RAD23B: variants seen among roughly 807,000 people sequenced by gnomAD.
RAD23B encodes the protein lysine-specific demethylase RAD23B.
A neutral mutation model predicts 49.1 loss-of-function variants in RAD23B; 5 were observed. The ratio of observed to expected loss-of-function variants is 0.10; its 90% CI spans 0.05 to 0.21. The LOEUF (loss-of-function observed/expected upper bound fraction) is 0.21. Ranked by LOEUF, RAD23B falls within the 10% of genes least tolerant of loss-of-function variation. The pLI is 1.00. For synonymous variants in RAD23B, 184 were observed against 165.4 expected, an observed-to-expected ratio of 1.11 and a Z score of -0.86; for missense variants, 356 against 486.7, an observed-to-expected ratio of 0.73 and a Z score of 2.53.
intron 9 of RAD23B, chr9:107,325,230 C>T (rs1827182723): frequency 3.2e-6 from 1 of 309,700 alleles, no homozygotes; most frequent in Non-Finnish European, 6.0e-6. Flanking sequence ...AGGAGAATTG[C>T]TTGGACCTGG....
At chr9:107,302,415 T>C (rs937186876) in intron 3 of RAD23B, among the ~76,000 whole-genome samples, 4 of 152,174 alleles carry the variant, frequency 2.6e-5, no homozygotes, top group African/African-American at 4.8e-5. Flanking sequence ...TATAATTCTT[T>C]TAAAATGTCT....
At chr9:107,292,861 T>C (rs961342014) in intron 1 of RAD23B, among the ~76,000 whole-genome samples, 1 of 152,158 alleles carries the variant, frequency 6.6e-6, no homozygotes, top group Non-Finnish European at 1.5e-5. Flanking sequence ...AAGAGGATAA[T>C]AGTATCTACC....
intron 1 of RAD23B, chr9:107,283,943 C>G: frequency 9.2e-7 from 1 of 1,082,074 alleles, no homozygotes; most frequent in Non-Finnish European, 1.1e-6. Context: ...TGGCGTGGAG[C>G]GCACGCCCGC....
At chr9:107,311,451 TG>T (rs1826885090) in intron 4 of RAD23B, among the ~76,000 whole-genome samples, 2 of 152,166 alleles carry the variant, frequency 1.3e-5, no homozygotes, top group Admixed American at 6.5e-5. Flanking sequence ...TTTAAAGTGA[TG>T]GAGTCTCAGA....
At chr9:107,293,879 G>A (rs996871807) in intron 1 of RAD23B, among the ~76,000 whole-genome samples, 1 of 152,284 alleles carries the variant, frequency 6.6e-6, no homozygotes, top group African/African-American at 2.4e-5. Context: ...GAACTCCTGG[G>A]CTCAGTCAAT....
rs372631779 is a variant in RAD23B at position 107,331,663 on chromosome 9, A to G, written c.*2007A>G. On this transcript the variant is annotated 3_prime_UTR_variant, in exon 10 of 10. Coordinates refer to ENST00000358015, the MANE Select transcript of RAD23B (RefSeq NM_002874.5). ...ATTTATTTTATGACATTCTCTGTCT[A>G]CTCAGATCATAGTGAAAACTGGAAA... 8 of 772,924 alleles carry G rather than the reference A, an allele frequency of 1.0e-5. No individual in the cohort carries two copies. In the African/African-American group the frequency reaches 1.2e-4, roughly 12 times the overall value. The allele number at this position is 772,924 out of a possible 1,614,324, so 47.9% of individuals were successfully genotyped here. A position where few individuals can be genotyped will look rare whatever the true frequency, so the allele number is the denominator to read the frequency against.
chr9:107,328,367 A>G (rs1827247788), intron 9 of RAD23B, among the ~76,000 whole-genome samples: 1 of 152,126 alleles, frequency 6.6e-6, no homozygotes, highest in Non-Finnish European at 1.5e-5. Flanking sequence ...TTTTGGGATG[A>G]AACTGTTCCA....
chr9:107,308,698 A>G (rs1383281712), intron 4 of RAD23B, among the ~76,000 whole-genome samples: 3 of 152,234 alleles, frequency 2.0e-5, no homozygotes, highest in Admixed American at 1.3e-4. Flanking sequence ...TTGTACACCA[A>G]CTGCTTACTC....
At chr9:107,290,042 A>T (rs1302166977) in intron 1 of RAD23B, among the ~76,000 whole-genome samples, 2 of 152,232 alleles carry the variant, frequency 1.3e-5, no homozygotes, top group Non-Finnish European at 2.9e-5. Flanking sequence ...AGCACCTGAC[A>T]GTCTTACAGT....
At chr9:107,324,152 G>C in intron 8 of RAD23B, 135 bp downstream of exon 8, 1 of 1,053,138 alleles carries the variant, frequency 9.5e-7, no homozygotes, top group South Asian at 1.6e-5. Flanking sequence ...GCTACACTTA[G>C]ATATTGTAAT....
At chr9:107,283,976 G>T (rs1320392826) in intron 1 of RAD23B, 6 of 1,120,782 alleles carry the variant, frequency 5.4e-6, no homozygotes, top group Non-Finnish European at 6.5e-6. Context: ...AGGAGCTCGT[G>T]CTAGCGGGGC....
chr9:107,301,429 A>G (rs11573664), intron 2 of RAD23B, among the ~76,000 whole-genome samples: 2,248 of 152,244 alleles, frequency 0.015, 51 homozygotes, highest in African/African-American at 0.051. Flanking sequence ...GGCCTCTTTC[A>G]TATTTCCTTG....
At chr9:107,310,224 A>G (rs918657509) in intron 4 of RAD23B, among the ~76,000 whole-genome samples, 1 of 152,184 alleles carries the variant, frequency 6.6e-6, no homozygotes, top group Admixed American at 6.5e-5. Context: ...TGCAAAAATA[A>G]ATTATAGATG....
In RAD23B at chr9:107,324,890, A is replaced by G. The variant is rs1827173873; in HGVS notation, c.1002A>G (p.Glu334=). The G allele has an allele frequency of 3.7e-6, 6 of 1,613,468 alleles. No homozygotes were observed. In the South Asian group the frequency reaches 4.4e-5, roughly 12 times the overall value. Reference sequence around the variant, plus strand: ...AGATGTTAAATGAACCAGTTCAAGAAGCTGGTGGTCAAGGAGGAGGAGGTG... The same window carrying G: ...AGATGTTAAATGAACCAGTTCAAGAGGCTGGTGGTCAAGGAGGAGGAGGTG... ...FIQMLNEPVQ[E]AGGQGGGGGG... is the part of the protein sequence containing the mutation. The change falls in exon 9 of 10, where the codon GAA becomes GAG. Residue 334 remains glutamate, a synonymous_variant. Coordinates refer to ENST00000358015, the MANE Select transcript of RAD23B (RefSeq NM_002874.5).
chr9:107,288,502 G>A (rs1431643622), intron 1 of RAD23B, among the ~76,000 whole-genome samples: 1 of 152,204 alleles, frequency 6.6e-6, no homozygotes, highest in Admixed American at 6.5e-5. Context: ...CTGGAGTGCA[G>A]TGGCGCCATC....
chr9:107,294,749 G>A (rs1826464617), intron 1 of RAD23B, among the ~76,000 whole-genome samples: 1 of 152,164 alleles, frequency 6.6e-6, no homozygotes, highest in Non-Finnish European at 1.5e-5. Context: ...ATAAATGAAG[G>A]TCAGGGAGAG....
At chr9:107,321,158 C>T (rs1252113556) in intron 6 of RAD23B, among the ~76,000 whole-genome samples, 2 of 152,038 alleles carry the variant, frequency 1.3e-5, no homozygotes, top group African/African-American at 2.4e-5. Flanking sequence ...AAAGGCATCA[C>T]CTAAAAACTA....
chr9:107,318,951 G>T lies in RAD23B; in HGVS notation c.681+72G>T. On this transcript the variant is annotated intron_variant, in intron 6 of 9. Transcript: ENST00000358015. This position sits in a 1 kb window ranked among gnomAD's most constrained non-coding sequence, Gnocchi z 4.3. The stretch of plus-strand genomic sequence containing the variant: ...AATCTCAAAGAAACAGATTTTAAAG[G>T]ACCAGTTCACTTGTCACTGATATAT... The T allele has an allele frequency of 6.8e-7, 1 of 1,465,396 alleles. No individual in the cohort carries two copies. Among genetic ancestry groups the T allele is most frequent in the Non-Finnish European group, 9.3e-7 (1 of 1,072,508 alleles). 90.8% of individuals were successfully genotyped at this position (1,465,396 alleles called of 1,614,324 possible).
chr9:107,328,234 C>A (rs1438101315), intron 9 of RAD23B, among the ~76,000 whole-genome samples: 1 of 151,854 alleles, frequency 6.6e-6, no homozygotes, highest in Non-Finnish European at 1.5e-5. Context: ...GGATTTTTGC[C>A]CAAATTTTAA....
Sources: gnomAD v4.1 joint callset for allele counts (sites outside exome capture counted in the v4.1 genomes callset) on GRCh38, gnomAD v4.1.1 for gene constraint, Gnocchi (gnomAD v3.1) non-coding constraint, MANE v1.5 for transcripts, NCBI Gene and HGNC (gene_info 2026-07-23, HGNC 2026-07-21) for gene names.